DENND2C: variants seen among roughly 807,000 people sequenced by gnomAD.
DENND2C encodes DENN domain-containing protein 2C.
A neutral mutation model predicts 112.4 loss-of-function variants in DENND2C; 72 were observed. The observed-to-expected ratio is 0.64, with a 90% CI of 0.53 to 0.78. The LOEUF is 0.78. Ranked by LOEUF, DENND2C falls within the 30% of genes least tolerant of loss-of-function variation. DENND2C has a pLI of 0.00. For synonymous variants in DENND2C, 329 were observed against 381.6 expected (o/e 0.86, Z 1.61); for missense variants, 992 against 1,113.8 (o/e 0.89, Z 1.56).
intron 16 of DENND2C, among the ~76,000 whole-genome samples, chr1:114,598,892 G>C (rs763372916): frequency 2.8e-4 from 43 of 152,128 alleles, no homozygotes; most frequent in Non-Finnish European, 4.9e-4. Context: ...ATGTTGGCCA[G>C]GCTGGTTTCA....
At chr1:114,642,610 C>A (rs1404024556) in intron 3 of DENND2C, among the ~76,000 whole-genome samples, 1 of 152,110 alleles carries the variant, frequency 6.6e-6, no homozygotes, top group Non-Finnish European at 1.5e-5. Flanking sequence ...CTAACTTTAA[C>A]CATATTAACT....
Position 114,608,889 on chromosome 1 carries a change from G to A in DENND2C, c.1370-16C>T, listed in dbSNP as rs1655734007. The A allele has an allele frequency of 6.8e-6, 11 of 1,613,682 alleles. No individual in the cohort carries two copies. The highest frequency in any genetic ancestry group is 9.3e-6 in the Non-Finnish European group (11 of 1,179,930). Reference sequence around the variant, plus strand: ...TTATGGCGATCTGTAATGAAATCATGGAGAAATGTTTTTTTCTCTGTAGCC... The same window carrying A: ...TTATGGCGATCTGTAATGAAATCATAGAGAAATGTTTTTTTCTCTGTAGCC... On this transcript the variant is annotated splice_polypyrimidine_tract_variant and intron_variant, in intron 9 of 20. Transcript: ENST00000393274.
At position 114,585,473 on chromosome 1, in the gene DENND2C, T is replaced by C; in HGVS notation, c.*127A>G. On this transcript the variant is annotated 3_prime_UTR_variant, in exon 21 of 21. Transcript: ENST00000393274. ...ACAGGAGAATCCTCCTCTAACAGCC[T>C]GACTCGCTCTTTAACCTTTTAAAAT... 1 of 969,356 alleles carries C rather than the reference T, an allele frequency of 1.0e-6. No homozygotes were observed. Among genetic ancestry groups the C allele is most frequent in the Admixed American group, 2.3e-5 (1 of 42,562 alleles). The allele number at this position is 969,356 out of a possible 1,614,324, so 60.0% of individuals were successfully genotyped here.
chr1:114,610,356 T>C (rs552538387), intron 9 of DENND2C, among the ~76,000 whole-genome samples: 1 of 152,348 alleles, frequency 6.6e-6, no homozygotes, highest in East Asian at 1.9e-4. Flanking sequence ...CCTTTTTCAA[T>C]GTCAGAGATA....
chr1:114,652,306 T>C (rs1439983437), intron 2 of DENND2C, among the ~76,000 whole-genome samples: 1 of 152,202 alleles, frequency 6.6e-6, no homozygotes, highest in Non-Finnish European at 1.5e-5. Context: ...TATATCTATA[T>C]ACCTGCTATA....
chr1:114,609,767 G>T (rs1237010425), intron 9 of DENND2C, among the ~76,000 whole-genome samples: 4 of 152,126 alleles, frequency 2.6e-5, no homozygotes, highest in African/African-American at 7.2e-5. Flanking sequence ...TGTCCCAAAA[G>T]AAGTTATACT....
chr1:114,614,651 A>T (rs1018039154), intron 8 of DENND2C, among the ~76,000 whole-genome samples: 2 of 152,198 alleles, frequency 1.3e-5, no homozygotes, highest in Non-Finnish European at 2.9e-5. Flanking sequence ...TCTTAGAACC[A>T]AATTTACTAC....
chr1:114,585,471 C>T lies in DENND2C; in HGVS notation c.*129G>A. 1 of 948,898 alleles carries T rather than the reference C, an allele frequency of 1.1e-6. No individual in the cohort carries two copies. The allele number at this position is 948,898 out of a possible 1,614,324, so 58.8% of individuals were successfully genotyped here. On this transcript the variant is annotated 3_prime_UTR_variant, in exon 21 of 21. Coordinates refer to ENST00000393274, the MANE Select transcript of DENND2C (RefSeq NM_001256404.2). ...CAACAGGAGAATCCTCCTCTAACAG[C>T]CTGACTCGCTCTTTAACCTTTTAAA...
chr1:114,665,883 G>A lies in DENND2C; in HGVS notation c.-574+4100C>T, dbSNP rs145482511. On this transcript the variant is annotated intron_variant, in intron 1 of 20. Transcript: ENST00000393274. ...CTTGAGCAATTTCATCTGCTCTTACGGCTTCAATTAACACTTACTGGCTAC... is the reference window on the plus strand; with the variant it reads ...CTTGAGCAATTTCATCTGCTCTTACAGCTTCAATTAACACTTACTGGCTAC... Among the ~76,000 whole-genome samples the A allele has an allele frequency of 7.9e-5, 12 of 151,910 alleles. No homozygotes were observed. The East Asian group carries it at 2.3e-3, about 29-fold the overall frequency.
chr1:114,598,346 T>C (rs1422959944), intron 16 of DENND2C, among the ~76,000 whole-genome samples: 5 of 152,160 alleles, frequency 3.3e-5, no homozygotes. Flanking sequence ...AGATATAATG[T>C]TGAGAAAAAG....
intron 1 of DENND2C, among the ~76,000 whole-genome samples, chr1:114,658,509 T>A (rs1467717209): frequency 6.6e-6 from 1 of 151,706 alleles, no homozygotes; most frequent in East Asian, 1.9e-4. Flanking sequence ...ACAGCAAAAA[T>A]TAAAAAGAAA....
intron 9 of DENND2C, among the ~76,000 whole-genome samples, chr1:114,610,561 G>A (rs921668180): frequency 6.6e-5 from 10 of 152,112 alleles, no homozygotes; most frequent in Non-Finnish European, 1.2e-4. Context: ...TTAGCTTGGC[G>A]TGGTGGCACA....
chr1:114,631,305 G>A (rs1434669401), intron 3 of DENND2C, among the ~76,000 whole-genome samples: 1 of 152,066 alleles, frequency 6.6e-6, no homozygotes, highest in East Asian at 1.9e-4. Flanking sequence ...GTACACAGGA[G>A]GAGGAGGTTG....
chr1:114,659,061 A>T (rs1657410619), intron 1 of DENND2C, among the ~76,000 whole-genome samples: 1 of 152,166 alleles, frequency 6.6e-6, no homozygotes, highest in Admixed American at 6.6e-5. Context: ...GGCACAAATG[A>T]ATCTCTTGGC....
At chr1:114,662,177 T>G in intron 1 of DENND2C, among the ~76,000 whole-genome samples, 1 of 152,294 alleles carries the variant, frequency 6.6e-6, no homozygotes, top group Middle Eastern at 3.4e-3. Context: ...CCTTAATAGA[T>G]CCTTATTTAA....
intron 16 of DENND2C, among the ~76,000 whole-genome samples, 195 bp downstream of exon 16, chr1:114,599,079 G>A (rs946523681): frequency 5.9e-5 from 9 of 152,210 alleles, no homozygotes; most frequent in East Asian, 5.8e-4. Flanking sequence ...TACAGCTTTG[G>A]ATTTATGTGT....
At chr1:114,661,352 C>CATGAATTATAG (rs1553238812) in intron 1 of DENND2C, among the ~76,000 whole-genome samples, 1 of 152,064 alleles carries the variant, frequency 6.6e-6, no homozygotes, top group East Asian at 1.9e-4. Flanking sequence ...GCACAACTTC[C>CATGAATTATAG]ATGAATTATA....
intron 2 of DENND2C, among the ~76,000 whole-genome samples, chr1:114,648,207 G>C (rs1286524194): frequency 3.3e-5 from 5 of 152,170 alleles, no homozygotes; most frequent in Non-Finnish European, 5.9e-5. Flanking sequence ...AGCTGAACTG[G>C]TTAATTACCC....
intron 1 of DENND2C, among the ~76,000 whole-genome samples, chr1:114,668,981 A>T (rs1169366570): frequency 6.6e-6 from 1 of 152,228 alleles, no homozygotes. Context: ...TGTATAGATA[A>T]CACCACTGTG....
Sources: allele counts gnomAD v4.1 joint callset (sites outside exome capture counted in the v4.1 genomes callset), GRCh38; gene constraint gnomAD v4.1.1; transcripts MANE v1.5; gene names NCBI Gene and HGNC (gene_info 2026-07-23, HGNC 2026-07-21).